The following SMARCAL1 variants were observed in gnomAD, a reference collection of about 807,000 sequenced individuals.
SMARCAL1 encodes the protein SNF2 related chromatin remodeling annealing helicase 1.
Under a neutral mutation model 94.5 loss-of-function variants are expected in SMARCAL1, and 58 were observed. That is an observed-to-expected ratio of 0.61 (90% CI 0.50 to 0.76). The LOEUF (loss-of-function observed/expected upper bound fraction) is 0.76. SMARCAL1 is among the 30% of genes least tolerant of loss of function. SMARCAL1 has a pLI of 0.00. For missense variants in SMARCAL1, 1,051 were observed against 1,177.9 expected, an observed-to-expected ratio of 0.89 and a Z score of 1.58; for synonymous variants, 422 against 455.1, an observed-to-expected ratio of 0.93 and a Z score of 0.93.
chr2:216,475,600 C>G lies in SMARCAL1; in HGVS notation c.2427+149C>G. The G allele has an allele frequency of 1.2e-6, 1 of 811,554 alleles. No homozygotes were observed. The highest frequency in any genetic ancestry group is 1.4e-5 in the South Asian group (1 of 69,274). The allele number at this position is 811,554 out of a possible 1,614,324, so 50.3% of individuals were successfully genotyped here. The stretch of plus-strand genomic sequence containing the variant: ...CAGTTTTCACTTCCTTTAAGCACTT[C>G]TATGTTGATTGACTAGTCTCTTTTT... On this transcript the variant is annotated intron_variant, in intron 15 of 17. Coordinates refer to ENST00000357276, the MANE Select transcript of SMARCAL1 (RefSeq NM_014140.4). The surrounding 1 kb of genome is among the most constrained non-coding windows in gnomAD (Gnocchi z 4.4).
chr2:216,434,446 T>G (rs745555573), intron 8 of SMARCAL1, among the ~76,000 whole-genome samples: 1 of 152,172 alleles, frequency 6.6e-6, no homozygotes, highest in Non-Finnish European at 1.5e-5. Flanking sequence ...ATAAAATTCC[T>G]CTTAAAAAGA....
chr2:216,453,595 G>T (rs1356726566), intron 12 of SMARCAL1, among the ~76,000 whole-genome samples: 3 of 152,202 alleles, frequency 2.0e-5, no homozygotes, highest in African/African-American at 7.2e-5. Context: ...ATGTCTTCCA[G>T]ACCCTGGCCA....
intron 12 of SMARCAL1, 87 bp downstream of exon 12, chr2:216,451,151 C>G (rs1694442550): frequency 9.3e-7 from 1 of 1,069,852 alleles, no homozygotes; most frequent in South Asian, 1.3e-5. Context: ...ACCTGGCATT[C>G]TCTCAGCTTT....
In SMARCAL1 at chr2:216,475,154, C is replaced by A; in HGVS notation, c.2245-115C>A. On this transcript the variant is annotated intron_variant, in intron 14 of 17. Coordinates refer to ENST00000357276, the MANE Select transcript of SMARCAL1 (RefSeq NM_014140.4). This position sits in a 1 kb window ranked among gnomAD's most constrained non-coding sequence, Gnocchi z 4.4. The stretch of plus-strand genomic sequence containing the variant: ...AATTTGAAAAGAAAAGCTCTGAAGG[C>A]AGGGGCCTCTGCTGAGCTGGAACCT... The A allele has an allele frequency of 1.1e-6, 1 of 949,176 alleles. No homozygotes were observed. Among genetic ancestry groups the A allele is most frequent in the Admixed American group, 1.9e-5 (1 of 51,576 alleles). 58.8% of individuals were successfully genotyped at this position (949,176 alleles called of 1,614,324 possible).
At position 216,475,227 on chromosome 2, in the gene SMARCAL1, CG is replaced by C. The variant is rs1166607601; in HGVS notation, c.2245-38del. 1.2e-6 allele frequency: 2 copies of C among 1,608,448 alleles called. No individual in the cohort carries two copies. The highest frequency in any genetic ancestry group is 4.5e-5 in the East Asian group (2 of 44,876). On this transcript the variant is annotated intron_variant, in intron 14 of 17. Coordinates refer to ENST00000357276, the MANE Select transcript of SMARCAL1 (RefSeq NM_014140.4). The surrounding 1 kb of genome is among the most constrained non-coding windows in gnomAD (Gnocchi z 4.4). ...TGGGTGTGGTTTGCTGAGAAGCCCCCGGGGCTGTTGCCCACCTTGCTTCTGC... is the reference window on the plus strand; with the variant it reads ...TGGGTGTGGTTTGCTGAGAAGCCCCCGGGCTGTTGCCCACCTTGCTTCTGC...
intron 7 of SMARCAL1, among the ~76,000 whole-genome samples, chr2:216,432,454 G>A (rs1433097441): frequency 2.0e-5 from 3 of 152,082 alleles, no homozygotes; most frequent in African/African-American, 4.8e-5. Flanking sequence ...TGGCCTCCAC[G>A]ACCTAATCAT....
At position 216,450,857 on chromosome 2, in the gene SMARCAL1, G is replaced by A. The variant is rs777370537; in HGVS notation, c.1863G>A (p.Gly621=). 10 of 1,613,680 alleles carry A rather than the reference G, an allele frequency of 6.2e-6. No individual in the cohort carries two copies. The highest frequency in any genetic ancestry group is 5.9e-6 in the Non-Finnish European group (7 of 1,179,894). ...CTTGTTCTCTGCAGATGCCTTGGGG[G>A]TGGGACTACTCAGGTTCCTCCAACC... ...RYCDAKRMPW[G]WDYSGSSNLG... The change falls in exon 12 of 18, where the codon GGG becomes GGA. Residue 621 remains glycine, a synonymous_variant. Coordinates refer to ENST00000357276, the MANE Select transcript of SMARCAL1 (RefSeq NM_014140.4).
At chr2:216,438,892 A>T (rs1394029615) in intron 10 of SMARCAL1, among the ~76,000 whole-genome samples, 1 of 152,204 alleles carries the variant, frequency 6.6e-6, no homozygotes, top group East Asian at 1.9e-4. Context: ...AGCTGCCTAG[A>T]TGCTGGAAAT....
chr2:216,432,340 C>T (rs1416308926), intron 7 of SMARCAL1, among the ~76,000 whole-genome samples: 1 of 152,144 alleles, frequency 6.6e-6, no homozygotes, highest in African/African-American at 2.4e-5. Context: ...AGCATGCCCT[C>T]CTCAGTGCTA....
intron 7 of SMARCAL1, among the ~76,000 whole-genome samples, chr2:216,429,750 C>A (rs1489904342): frequency 6.6e-6 from 1 of 152,128 alleles, no homozygotes; most frequent in African/African-American, 2.4e-5. Context: ...GGATTTGGGT[C>A]TCGGTGTGCC....
In SMARCAL1 at chr2:216,478,203, G is replaced by T; in HGVS notation, c.2529G>T (p.Trp843Cys). The T allele has an allele frequency of 6.2e-7, 1 of 1,613,850 alleles. No individual in the cohort carries two copies. The highest frequency in any genetic ancestry group is 1.7e-5 in the Admixed American group (1 of 60,012). The stretch of plus-strand genomic sequence containing the variant: ...ACTGCAGCTCATTTCTCCCCAACAG[G>T]CCCCTGATTCAAGAGAAGATTAAAG... ...VAKGTADDYL[W>C]PLIQEKIKVL... is the part of the protein sequence containing the mutation. Residue 843 changes from tryptophan to cysteine, a missense_variant and splice_region_variant, in exon 17 of 18, where the codon TGG (tryptophan) becomes TGT (cysteine). Around this residue, in one of 3 missense-constraint regions of SMARCAL1, gnomAD observed 642 missense variants for 754.7 expected, o/e 0.85. Transcript: ENST00000357276.
chr2:216,420,060 AG>A (rs1232491871), intron 4 of SMARCAL1, among the ~76,000 whole-genome samples: 1 of 151,424 alleles, frequency 6.6e-6, no homozygotes, highest in Non-Finnish European at 1.5e-5. Context: ...AAAAAAAAAA[AG>A]AAAAACTTAC....
In SMARCAL1 at chr2:216,415,527, A is replaced by G; in HGVS notation, c.811+12A>G. Reference sequence around the variant, plus strand: ...CAGCAAGAATTATGGTAATGTCTTCATTTTTCAGCTGTTTTTTTTTTTTTT... The same window carrying G: ...CAGCAAGAATTATGGTAATGTCTTCGTTTTTCAGCTGTTTTTTTTTTTTTT... On this transcript the variant is annotated intron_variant, in intron 3 of 17. Transcript: ENST00000357276. 6.4e-7 allele frequency: 1 copy of G among 1,555,948 alleles called. No individual in the cohort carries two copies.
intron 15 of SMARCAL1, among the ~76,000 whole-genome samples, chr2:216,476,552 A>G (rs976043050): frequency 6.6e-6 from 1 of 152,110 alleles, no homozygotes; most frequent in African/African-American, 2.4e-5. Context: ...GGCTCAAGCA[A>G]TCTGCCTGCC....
Position 216,482,872 on chromosome 2 carries a change from GA to G in SMARCAL1, c.2762del (p.Asn921ThrfsTer11), listed in dbSNP as rs1348546752. 2 of 1,614,062 alleles carry G rather than the reference GA, an allele frequency of 1.2e-6. No homozygotes were observed. The highest frequency in any genetic ancestry group is 1.7e-6 in the Non-Finnish European group (2 of 1,180,052). ...CAGGAACATCTGGAAGTAGTTCCCA[GA>G]ACATGGGAGACACCCTGGATGAAAG... ...ASGTSGSSSQ[N>X]MGDTLDESSL... is the part of the protein sequence containing the mutation. On this transcript the variant is annotated frameshift_variant, in exon 18 of 18. Transcript: ENST00000357276. LOFTEE classifies it high-confidence loss of function. This position sits in a 1 kb window ranked among gnomAD's most constrained non-coding sequence, Gnocchi z 4.3.
intron 7 of SMARCAL1, among the ~76,000 whole-genome samples, chr2:216,429,538 A>G (rs1257110595): frequency 6.6e-6 from 1 of 152,244 alleles, no homozygotes; most frequent in East Asian, 1.9e-4. Flanking sequence ...TCTTAAAAAT[A>G]TGGGAGTTCA....
intron 14 of SMARCAL1, among the ~76,000 whole-genome samples, chr2:216,473,114 C>T (rs1056639550): frequency 6.6e-6 from 1 of 152,042 alleles, no homozygotes; most frequent in Admixed American, 6.6e-5. Flanking sequence ...ACCCGCTGCC[C>T]CCACCCCCAG....
Position 216,482,819 on chromosome 2 carries a change from GC to G in SMARCAL1, c.2708del (p.Ala903GlufsTer29). The G allele has an allele frequency of 6.2e-7, 1 of 1,614,176 alleles. No homozygotes were observed. The highest frequency in any genetic ancestry group is 8.5e-7 in the Non-Finnish European group (1 of 1,180,026). On this transcript the variant is annotated frameshift_variant, in exon 18 of 18. Transcript: ENST00000357276. LOFTEE classifies it high-confidence loss of function. This position sits in a 1 kb window ranked among gnomAD's most constrained non-coding sequence, Gnocchi z 4.3. ...AAGTGATATGGAGCTCCTGGAAGCA[GC>G]AGAGTCCTTTGACCCAGGAAGTGCT... is the stretch of plus-strand genomic sequence containing the variant. ...EGSDMELLEA[A>X]ESFDPGSASG...
chr2:216,458,604 C>A (rs1694625280), intron 12 of SMARCAL1, among the ~76,000 whole-genome samples: 2 of 152,124 alleles, frequency 1.3e-5, no homozygotes, highest in South Asian at 4.1e-4. Context: ...TCAATAGATG[C>A]AGAAAAGGCC....
Sources: gnomAD v4.1 joint callset for allele counts (sites outside exome capture counted in the v4.1 genomes callset) on GRCh38, gnomAD v4.1.1 for gene constraint, gnomAD v4.1.1 regional missense constraint, Gnocchi (gnomAD v3.1) non-coding constraint, MANE v1.5 for transcripts, NCBI Gene and HGNC (gene_info 2026-07-23, HGNC 2026-07-21) for gene names.